PCDHA4: variants seen among roughly 807,000 people sequenced by gnomAD.
The protein encoded by PCDHA4 is protocadherin alpha 4, also known as protocadherin alpha-4.
In PCDHA4, 49 loss-of-function variants were observed where a neutral mutation model predicts 61.4. The observed-to-expected ratio is 0.80, with a 90% CI of 0.63 to 1.01. PCDHA4 has a LOEUF of 1.01. Among genes scored for constraint, PCDHA4 ranks in the 50% least tolerant of loss-of-function variants. The probability of loss-of-function intolerance (pLI) is 0.00; values close to 1 mark genes in which losing one functional copy is unlikely to be tolerated. For missense variants in PCDHA4, 1,254 were observed against 1,235.8 expected (o/e 1.01, Z -0.22); for synonymous variants, 590 against 550.3 (o/e 1.07, Z -1.01).
chr5:140,843,700 T>G lies in PCDHA4; in HGVS notation c.2385+34128T>G. On this transcript the variant is annotated intron_variant, in intron 1 of 3. Coordinates refer to ENST00000530339, the MANE Select transcript of PCDHA4 (RefSeq NM_018907.4). ...TAGGCGAAGAGCAAGATTTAAATGT[T>G]GATCATGGCCTCAAAGTAAGTCCAT... The G allele has an allele frequency of 3.2e-6, 5 of 1,581,782 alleles. 1 individual carries two copies. Among genetic ancestry groups the G allele is most frequent in the Non-Finnish European group, 4.3e-6 (5 of 1,152,788 alleles).
chr5:140,941,251 CTT>C (rs1177440606), intron 1 of PCDHA4, among the ~76,000 whole-genome samples: 1 of 121,786 alleles, frequency 8.2e-6, no homozygotes, highest in African/African-American at 3.1e-5. Flanking sequence ...TTCTTTCTTT[CTT>C]TCTCTTTCTT....
chr5:140,927,226 A>G, intron 1 of PCDHA4: 4 of 1,613,996 alleles, frequency 2.5e-6, no homozygotes, highest in Non-Finnish European at 3.4e-6. Context: ...CAAGATTCGG[A>G]TTCACGTCCT....
chr5:140,908,208 C>A (rs1477430085), intron 1 of PCDHA4, among the ~76,000 whole-genome samples: 8 of 152,136 alleles, frequency 5.3e-5, no homozygotes, highest in Non-Finnish European at 1.0e-4. Context: ...TCATGCAGAA[C>A]CATCTGTGAA....
chr5:140,843,170 A>G, intron 1 of PCDHA4: 1 of 1,596,072 alleles, frequency 6.3e-7, no homozygotes, highest in Non-Finnish European at 8.6e-7. Flanking sequence ...AGCTGCAAGC[A>G]GCCCTCGCAT....
At chr5:140,914,613 G>A (rs2076780862) in intron 1 of PCDHA4, among the ~76,000 whole-genome samples, 1 of 151,852 alleles carries the variant, frequency 6.6e-6, no homozygotes, top group Non-Finnish European at 1.5e-5. Flanking sequence ...CTGCCATTTT[G>A]TAATTTGTTT....
At chr5:140,877,798 C>T in intron 1 of PCDHA4, 2 of 1,613,568 alleles carry the variant, frequency 1.2e-6, no homozygotes. Flanking sequence ...CAGCCCAAGC[C>T]TTCAGCTGTC....
At chr5:140,966,360 A>T (rs1169207709) in intron 1 of PCDHA4, 1 of 400,440 alleles carries the variant, frequency 2.5e-6, no homozygotes, top group Non-Finnish European at 4.4e-6. Flanking sequence ...ATGGGGCTGG[A>T]GAGGCTGAGC....
At position 140,876,284 on chromosome 5, in the gene PCDHA4, A is replaced by C. The variant is rs781831935; in HGVS notation, c.2385+66712A>C. 1.7e-5 allele frequency: 27 copies of C among 1,613,954 alleles called. No homozygotes were observed. The highest frequency in any genetic ancestry group is 2.3e-5 in the Non-Finnish European group (27 of 1,179,908). ...CAACTAAATGCTTCCGATCCAGACG[A>C]AGGACTTAATGGAGAAATTTCCTAT... On this transcript the variant is annotated intron_variant, in intron 1 of 3. Transcript: ENST00000530339.
In PCDHA4 at chr5:140,848,545, C is replaced by T. The variant is rs2150412582; in HGVS notation, c.2385+38973C>T. On this transcript the variant is annotated intron_variant, in intron 1 of 3. Transcript: ENST00000530339. ...CCAGAGGGTCAGCCTCTACTGCTCT[C>T]GCTTCTGATCCTCGCAATGTGGGTG... is the stretch of plus-strand genomic sequence containing the variant. The T allele has an allele frequency of 7.5e-6, 12 of 1,595,324 alleles. No homozygotes were observed. In the South Asian group the frequency reaches 1.1e-4, roughly 15 times the overall value.
intron 1 of PCDHA4, chr5:140,871,243 C>G (rs1246479266): frequency 6.2e-7 from 1 of 1,613,862 alleles, no homozygotes; most frequent in African/African-American, 1.3e-5. Context: ...GGTACTCACG[C>G]TGCTGCTGTA....
At chr5:140,966,798 C>T in intron 1 of PCDHA4, 1 of 1,537,636 alleles carries the variant, frequency 6.5e-7, no homozygotes, top group Non-Finnish European at 8.7e-7. Context: ...CCTGCGGCGA[C>T]AGAGCATCCA....
In PCDHA4 at chr5:140,850,341, G is replaced by T. The variant is rs146727140; in HGVS notation, c.2385+40769G>T. 29 of 1,597,748 alleles carry T rather than the reference G, an allele frequency of 1.8e-5. 2 individuals are homozygous for T. The highest frequency in any genetic ancestry group is 2.4e-5 in the Non-Finnish European group (28 of 1,167,702). Reference sequence around the variant, plus strand: ...TTCATACGAGCTGCAGCCAGAAACGGCCAGCGCGAGCATCCCGTTCCGCGT... The same window carrying T: ...TTCATACGAGCTGCAGCCAGAAACGTCCAGCGCGAGCATCCCGTTCCGCGT... On this transcript the variant is annotated intron_variant, in intron 1 of 3. Transcript: ENST00000530339.
rs1779768738 is a variant in PCDHA4, at chr5:140,845,237, A to G, written c.2385+35665A>G. On this transcript the variant is annotated intron_variant, in intron 1 of 3. Coordinates refer to ENST00000530339, the MANE Select transcript of PCDHA4 (RefSeq NM_018907.4). ...TTTAAAAAATATGATTATCTTTATT[A>G]TCCTGTTTGAATAATATGTGTTTTC... 2.0e-5 allele frequency among the ~76,000 whole-genome samples: 3 copies of G among 149,564 alleles called. 1 individual carries two copies. The South Asian group carries it at 6.4e-4, about 32-fold the overall frequency.
At chr5:140,872,997 A>G (rs1391702817) in intron 1 of PCDHA4, among the ~76,000 whole-genome samples, 2 of 152,104 alleles carry the variant, frequency 1.3e-5, no homozygotes, top group East Asian at 3.9e-4. Flanking sequence ...TTTACTTCTG[A>G]GTCATTCTTC....
At chr5:140,966,695 C>CGGGCGTG in intron 1 of PCDHA4, 1 of 1,358,486 alleles carries the variant, frequency 7.4e-7, no homozygotes, top group Non-Finnish European at 9.5e-7. Flanking sequence ...AGGCGGGGCC[C>CGGGCGTG]GGGCGTGGGG....
chr5:140,815,774 T>G (rs1765791650), intron 1 of PCDHA4: 1 of 152,220 alleles, frequency 6.6e-6, no homozygotes, highest in Admixed American at 6.5e-5. Context: ...AGTCTAATTG[T>G]GATCACCTTC....
intron 1 of PCDHA4, among the ~76,000 whole-genome samples, chr5:140,931,196 A>T (rs1279027493): frequency 1.3e-5 from 2 of 152,182 alleles, no homozygotes; most frequent in Non-Finnish European, 2.9e-5. Flanking sequence ...GTGCACTACA[A>T]TGCTAGTATT....
intron 1 of PCDHA4, chr5:140,850,656 C>T: frequency 6.3e-7 from 1 of 1,598,598 alleles, no homozygotes; most frequent in Non-Finnish European, 8.6e-7. Context: ...GTACACTGTG[C>T]TGCGGTGCTC....
intron 1 of PCDHA4, among the ~76,000 whole-genome samples, chr5:140,833,509 G>A (rs2150209186): frequency 1.1e-3 from 173 of 152,196 alleles, no homozygotes; most frequent in African/African-American, 4.1e-3. Context: ...GTAAAAATAG[G>A]CATATATTCA....
Sources: allele counts gnomAD v4.1 joint callset (sites outside exome capture counted in the v4.1 genomes callset), GRCh38; gene constraint gnomAD v4.1.1; transcripts MANE v1.5; gene names NCBI Gene and HGNC (gene_info 2026-07-23, HGNC 2026-07-21).